WDR33: variants seen among roughly 807,000 people sequenced by gnomAD.
WDR33 encodes the protein WD repeat domain 33.
Under a neutral mutation model 164.9 loss-of-function variants are expected in WDR33, and 47 were observed. That is an observed-to-expected ratio of 0.29 (90% CI 0.23 to 0.36). The LOEUF (loss-of-function observed/expected upper bound fraction) is 0.36, where lower values mean the gene tolerates loss of function less well. Among genes scored for constraint, WDR33 ranks in the 10% least tolerant of loss-of-function variants. WDR33 has a pLI of 1.00. For missense variants in WDR33, 1,137 were observed against 1,754.1 expected (o/e 0.65, Z 6.28); for synonymous variants, 505 against 589.0 (o/e 0.86, Z 2.06).
rs1477745365 is a variant in WDR33 at position 127,704,320 on chromosome 2, G to T, written c.*2003C>A. The T allele has an allele frequency of 6.0e-6, 1 of 166,800 alleles. No individual in the cohort carries two copies. The highest frequency in any genetic ancestry group is 1.5e-5 in the Non-Finnish European group (1 of 68,078). The allele number at this position is 166,800 out of a possible 1,614,324, so 10.3% of individuals were successfully genotyped here. On this transcript the variant is annotated 3_prime_UTR_variant, in exon 22 of 22. Transcript: ENST00000322313. ...GTCCAGTAGAGCTTCAAGGTAAAAT[G>T]AAAATTTTTAAATGTGATCTGGTTA... is the stretch of plus-strand genomic sequence containing the variant.
chr2:127,723,720 C>CA lies in WDR33; in HGVS notation c.1197-374dup, dbSNP rs1686494987. Among the ~76,000 whole-genome samples the CA allele has an allele frequency of 6.6e-6, 1 of 151,420 alleles. No homozygotes were observed. The highest frequency in any genetic ancestry group is 2.1e-4 in the South Asian group (1 of 4,788). On this transcript the variant is annotated intron_variant, in intron 11 of 21. Coordinates refer to ENST00000322313, the MANE Select transcript of WDR33 (RefSeq NM_018383.5). The surrounding 1 kb of genome is among the most constrained non-coding windows in gnomAD (Gnocchi z 5.9). The stretch of plus-strand genomic sequence containing the variant: ...AGGCTACAGTGAGCTGTGATCTCAC[C>CA]ACAGAACTCTAGTCTCGGTGACAGA...
chr2:127,807,711 AG>A (rs1482754741), intron 1 of WDR33, among the ~76,000 whole-genome samples: 1 of 152,196 alleles, frequency 6.6e-6, no homozygotes, highest in Admixed American at 6.6e-5. Context: ...AAATAAACCA[AG>A]TCATGAGGGG....
rs368070554 is a variant in WDR33 at position 127,787,500 on chromosome 2, C to A, written c.-23-16496G>T. Among the ~76,000 whole-genome samples, 1,394 of 135,352 alleles carry A rather than the reference C, an allele frequency of 0.01. 84 individuals carry two copies. In the South Asian group the frequency reaches 0.1, roughly 10 times the overall value. 88.8% of individuals were successfully genotyped at this position (135,352 alleles called of 152,430 possible). Reference sequence around the variant, plus strand: ...CCGGGCGGGGGGCTGACCCCCCCCACCTCCCTCCCGGACGGGGCGGCTGGC... The same window carrying A: ...CCGGGCGGGGGGCTGACCCCCCCCAACTCCCTCCCGGACGGGGCGGCTGGC... On this transcript the variant is annotated intron_variant, in intron 1 of 21. Transcript: ENST00000322313.
chr2:127,706,231 A>T lies in WDR33; in HGVS notation c.*92T>A. 1 of 1,227,566 alleles carries T rather than the reference A, an allele frequency of 8.1e-7. No individual in the cohort carries two copies. Among genetic ancestry groups the T allele is most frequent in the Non-Finnish European group, 1.1e-6 (1 of 906,164 alleles). The allele number at this position is 1,227,566 out of a possible 1,614,324, so 76.0% of individuals were successfully genotyped here. A position where few individuals can be genotyped will look rare whatever the true frequency, so the allele number is the denominator to read the frequency against. On this transcript the variant is annotated 3_prime_UTR_variant, in exon 22 of 22. Coordinates refer to ENST00000322313, the MANE Select transcript of WDR33 (RefSeq NM_018383.5). The surrounding 1 kb of genome is among the most constrained non-coding windows in gnomAD (Gnocchi z 5.1). Reference sequence around the variant, plus strand: ...GCCCAGAAAAGAGTTCAGGGCTACAATGGTGCAGGCTTCCTTTTGTTTCTC... The same window carrying T: ...GCCCAGAAAAGAGTTCAGGGCTACATTGGTGCAGGCTTCCTTTTGTTTCTC...
In WDR33 at chr2:127,703,382, G is replaced by A. The variant is rs800859; in HGVS notation, c.*2941C>T. ...GTGCATTGGCTTGCACAATTTGAAA[G>A]TAATGCTTTTCCTGAGCTGGATCCC... On this transcript the variant is annotated 3_prime_UTR_variant, in exon 22 of 22. Transcript: ENST00000322313. The A allele has an allele frequency of 1, 166,418 of 167,194 alleles. 82,823 individuals are homozygous for A. The highest frequency in any genetic ancestry group is 1 in the Middle Eastern group (296 of 296). The allele number at this position is 167,194 out of a possible 1,614,324, so 10.4% of individuals were successfully genotyped here.
chr2:127,750,671 AAAAAAAATATATATATATAT>A (rs1340036839), intron 7 of WDR33, among the ~76,000 whole-genome samples: 1 of 68,550 alleles, frequency 1.5e-5, no homozygotes, highest in African/African-American at 9.1e-5. Context: ...AAAAAAAAAA[AAAAAAAATATATATATATAT>A]ATATATATAT....
At position 127,763,080 on chromosome 2, in the gene WDR33, C is replaced by G; in HGVS notation, c.706G>C (p.Glu236Gln). ...CACGTACCTCGGAGAATTCTTTCCT[C>G]ATGGCAACGAAGAAAGTCCCAGATT... ...VRIWDFLRCH[E>Q]ERILRGHGAD... Residue 236 changes from glutamate to glutamine, a missense_variant, in exon 7 of 22, where the codon GAG becomes CAG. Physicochemically the swap from Glu to Gln is conservative, Grantham distance 29. Transcript: ENST00000322313. This position sits in a 1 kb window ranked among gnomAD's most constrained non-coding sequence, Gnocchi z 4.5. The G allele has an allele frequency of 6.2e-7, 1 of 1,614,054 alleles. No homozygotes were observed. The highest frequency in any genetic ancestry group is 8.5e-7 in the Non-Finnish European group (1 of 1,179,926).
At chr2:127,803,995 C>T (rs7560507) in intron 1 of WDR33, among the ~76,000 whole-genome samples, 2,654 of 151,158 alleles carry the variant, frequency 0.018, 81 homozygotes, top group African/African-American at 0.06. Context: ...GGCCAAATAC[C>T]TGCTCCTGCT....
intron 7 of WDR33, among the ~76,000 whole-genome samples, chr2:127,743,957 G>A (rs754629795): frequency 1.8e-4 from 28 of 152,266 alleles, no homozygotes; most frequent in Non-Finnish European, 2.1e-4. Context: ...CTACCTCTGG[G>A]GAGAGGTAAA....
At chr2:127,788,180 G>C (rs1448864421) in intron 1 of WDR33, among the ~76,000 whole-genome samples, 2 of 110,926 alleles carry the variant, frequency 1.8e-5, no homozygotes, top group Non-Finnish European at 3.7e-5. Context: ...AGACGGGGCG[G>C]CTGGCCGGGC....
intron 1 of WDR33, among the ~76,000 whole-genome samples, chr2:127,776,031 C>T (rs979992309): frequency 6.6e-6 from 1 of 152,202 alleles, no homozygotes; most frequent in Non-Finnish European, 1.5e-5. Context: ...TCACAACAGT[C>T]TTGGCCGCTG....
intron 7 of WDR33, among the ~76,000 whole-genome samples, chr2:127,750,165 C>G (rs1388981582): frequency 6.6e-6 from 1 of 151,978 alleles, no homozygotes; most frequent in Non-Finnish European, 1.5e-5. Flanking sequence ...TCAGGGACCA[C>G]AGGCACACGC....
At chr2:127,740,234 A>G (rs902097112) in intron 7 of WDR33, among the ~76,000 whole-genome samples, 2 of 152,176 alleles carry the variant, frequency 1.3e-5, no homozygotes, top group Non-Finnish European at 2.9e-5. Context: ...TCTACTGTTA[A>G]AGAATGTTAA....
chr2:127,725,447 G>T (rs895317403), intron 8 of WDR33, among the ~76,000 whole-genome samples: 1 of 152,174 alleles, frequency 6.6e-6, no homozygotes, highest in Non-Finnish European at 1.5e-5. Flanking sequence ...AGTTAAAAAA[G>T]CAGCAGAGGC....
In WDR33 at chr2:127,761,628, A is replaced by G. The variant is rs116987015; in HGVS notation, c.724+1434T>C. On this transcript the variant is annotated intron_variant, in intron 7 of 21. Coordinates refer to ENST00000322313, the MANE Select transcript of WDR33 (RefSeq NM_018383.5). Reference sequence around the variant, plus strand: ...GACTAATAGTGAGGAAAGATTCAACATAAGTGTGGCATTAGGCTGGGAGTC... The same window carrying G: ...GACTAATAGTGAGGAAAGATTCAACGTAAGTGTGGCATTAGGCTGGGAGTC... 4.0e-4 allele frequency among the ~76,000 whole-genome samples: 61 copies of G among 152,358 alleles called. No individual in the cohort carries two copies. The East Asian group carries it at 9.2e-3, about 23-fold the overall frequency.
In WDR33 at chr2:127,735,367, C is replaced by T; in HGVS notation, c.725-8590G>A. 2 of 985,438 alleles carry T rather than the reference C, an allele frequency of 2.0e-6. No homozygotes were observed. The highest frequency in any genetic ancestry group is 2.4e-6 in the Non-Finnish European group (2 of 829,716). 61.0% of individuals were successfully genotyped at this position (985,438 alleles called of 1,614,324 possible). A position where few individuals can be genotyped will look rare whatever the true frequency, so the allele number is the denominator to read the frequency against. On this transcript the variant is annotated intron_variant, in intron 7 of 21. Coordinates refer to ENST00000322313, the MANE Select transcript of WDR33 (RefSeq NM_018383.5). This position sits in a 1 kb window ranked among gnomAD's most constrained non-coding sequence, Gnocchi z 4.3. ...AGACAGTCCATAGGATCCCAAAGCT[C>T]GGTGAACAGTCTGAAAACCAATACA... is the stretch of plus-strand genomic sequence containing the variant.
At chr2:127,797,775 G>A (rs982068778) in intron 1 of WDR33, among the ~76,000 whole-genome samples, 11 of 152,190 alleles carry the variant, frequency 7.2e-5, no homozygotes, top group African/African-American at 2.7e-4. Context: ...ACTTCGGGAG[G>A]CTGAGGAAGG....
In WDR33 at chr2:127,726,776, C is replaced by T; in HGVS notation, c.726G>A (p.Gly242=). ...CTACACATTTCACATCAGCACCATG[C>T]CCTGTCGGAAACAAGTTAGGATTAA... ...LRCHEERILR[G]HGADVKCVDW... is the part of the protein sequence containing the mutation. Residue 242 remains glycine (G), a splice_region_variant and synonymous_variant, in exon 8 of 22, where the codon GGG becomes GGA. Coordinates refer to ENST00000322313, the MANE Select transcript of WDR33 (RefSeq NM_018383.5). This position sits in a 1 kb window ranked among gnomAD's most constrained non-coding sequence, Gnocchi z 4.8. The T allele has an allele frequency of 6.2e-7, 1 of 1,613,890 alleles. No individual in the cohort carries two copies. The highest frequency in any genetic ancestry group is 8.5e-7 in the Non-Finnish European group (1 of 1,179,934).
intron 1 of WDR33, among the ~76,000 whole-genome samples, chr2:127,788,274 G>A (rs1688681840): frequency 7.5e-6 from 1 of 133,452 alleles, no homozygotes; most frequent in South Asian, 2.4e-4. Context: ...CTCCCGGACA[G>A]GGCGGCCGGC....
Sources: gnomAD v4.1 joint callset for allele counts (sites outside exome capture counted in the v4.1 genomes callset) on GRCh38, gnomAD v4.1.1 for gene constraint, Gnocchi (gnomAD v3.1) non-coding constraint, MANE v1.5 for transcripts, NCBI Gene and HGNC (gene_info 2026-07-23, HGNC 2026-07-21) for gene names.